The following DAAM2 variants were observed in gnomAD, a reference collection of about 807,000 sequenced individuals.
DAAM2 encodes dishevelled associated activator of morphogenesis 2, also known as disheveled-associated activator of morphogenesis 2.
A neutral mutation model predicts 120.7 loss-of-function variants in DAAM2; 39 were observed. The observed-to-expected ratio is 0.32, with a 90% CI of 0.25 to 0.42. The LOEUF is 0.42. Among genes scored for constraint, DAAM2 ranks in the 10% least tolerant of loss-of-function variants. The pLI, the probability that DAAM2 is intolerant of heterozygous loss-of-function variation, is 1.00. For missense variants in DAAM2, 1,283 were observed against 1,401.7 expected (o/e 0.92, Z 1.35); for synonymous variants, 488 against 524.9 (o/e 0.93, Z 0.96).
chr6:39,887,429 T>C, intron 15 of DAAM2, 57 bp from the exon 16 acceptor site: 1 of 1,282,826 alleles, frequency 7.8e-7, no homozygotes. Context: ...GCGGGGCGGG[T>C]AAGAGGAGGA....
intron 6 of DAAM2, chr6:39,868,307 C>A: frequency 4.4e-6 from 1 of 226,110 alleles, no homozygotes; most frequent in South Asian, 8.2e-5. Flanking sequence ...CTTTTCTTTC[C>A]CTGACCTGCC....
At chr6:39,808,653 C>T (rs1207879114) in intron 1 of DAAM2, among the ~76,000 whole-genome samples, 1 of 152,198 alleles carries the variant, frequency 6.6e-6, no homozygotes, top group Non-Finnish European at 1.5e-5. Flanking sequence ...ATGATAGCTT[C>T]CTTCCCTTGA....
At position 39,901,592 on chromosome 6, in the gene DAAM2, GT is replaced by G; in HGVS notation, c.2982+122del. 8.4e-7 allele frequency: 1 copy of G among 1,193,162 alleles called. No homozygotes were observed. Among genetic ancestry groups the G allele is most frequent in the Non-Finnish European group, 1.1e-6 (1 of 869,684 alleles). 73.9% of individuals were successfully genotyped at this position (1,193,162 alleles called of 1,614,324 possible). ...TGAGGAACTGAGGAACACCATAGGGGTTGGATGTCAGCCCCAGGAGAGAGAA... is the reference window on the plus strand; with the variant it reads ...TGAGGAACTGAGGAACACCATAGGGGTGGATGTCAGCCCCAGGAGAGAGAA... On this transcript the variant is annotated intron_variant, in intron 24 of 24. Coordinates refer to ENST00000274867, the MANE Select transcript of DAAM2 (RefSeq NM_001201427.2). This position sits in a 1 kb window ranked among gnomAD's most constrained non-coding sequence, Gnocchi z 4.5.
intron 21 of DAAM2, chr6:39,897,509 C>G (rs1222799064): frequency 5.2e-6 from 2 of 388,282 alleles, no homozygotes; most frequent in Admixed American, 4.3e-5. Flanking sequence ...ATAGACAGTA[C>G]ACCCTGAGAG....
intron 8 of DAAM2, 56 bp downstream of exon 8, chr6:39,870,499 G>A (rs1026451158): frequency 2.1e-5 from 23 of 1,103,746 alleles, no homozygotes; most frequent in Non-Finnish European, 2.6e-5. Flanking sequence ...GCCTCAGATG[G>A]GGATAGTTGG....
In DAAM2 at chr6:39,878,159, A is replaced by G. The variant is rs772363899; in HGVS notation, c.1302-44A>G. The G allele has an allele frequency of 6.9e-6, 11 of 1,604,782 alleles. No homozygotes were observed. The Admixed American group carries it at 1.8e-4, about 27-fold the overall frequency. On this transcript the variant is annotated intron_variant, in intron 11 of 24. Transcript: ENST00000274867. This position sits in a 1 kb window ranked among gnomAD's most constrained non-coding sequence, Gnocchi z 5.0. ...GATGTCTCCTGGGAAGCTGTGAATC[A>G]ATGGTCAACAATCACATTGCCCCTT...
intron 1 of DAAM2, among the ~76,000 whole-genome samples, chr6:39,843,797 G>T (rs535004414): frequency 2.6e-5 from 4 of 152,258 alleles, no homozygotes; most frequent in Admixed American, 2.6e-4. Context: ...GTTTGGTCAT[G>T]CAAGCACTGA....
rs569621035 is a variant in DAAM2, at chr6:39,870,240, G to A, written c.874-100G>A. On this transcript the variant is annotated intron_variant, in intron 7 of 24. Transcript: ENST00000274867. ...TCCAGGTGAGTTAGCTGTGGGAGAT[G>A]TGTTGGGTCTGTGGCTAGGGTGGTG... 156 of 710,846 alleles carry A rather than the reference G, an allele frequency of 2.2e-4. 2 individuals are homozygous for A. In the South Asian group the frequency reaches 2.4e-3, roughly 11 times the overall value. The allele number at this position is 710,846 out of a possible 1,614,324, so 44.0% of individuals were successfully genotyped here. A position where few individuals can be genotyped will look rare whatever the true frequency, so the allele number is the denominator to read the frequency against.
intron 1 of DAAM2, among the ~76,000 whole-genome samples, chr6:39,807,166 G>A (rs1205776990): frequency 1.3e-5 from 2 of 149,618 alleles, no homozygotes; most frequent in Middle Eastern, 3.4e-3. Context: ...ACATACTTAC[G>A]GTGGAATACT....
At chr6:39,794,330 C>T (rs1360331625) in intron 1 of DAAM2, among the ~76,000 whole-genome samples, 1 of 152,198 alleles carries the variant, frequency 6.6e-6, no homozygotes, top group Non-Finnish European at 1.5e-5. Context: ...CATCTAACCC[C>T]CATTTCTTCC....
At chr6:39,806,294 C>G (rs905945266) in intron 1 of DAAM2, among the ~76,000 whole-genome samples, 5 of 152,190 alleles carry the variant, frequency 3.3e-5, no homozygotes, top group Admixed American at 1.3e-4. Context: ...GTGGAGTCTC[C>G]TTCCAGGTAT....
chr6:39,889,792 T>C (rs1184947410), intron 17 of DAAM2, among the ~76,000 whole-genome samples: 1 of 152,212 alleles, frequency 6.6e-6, no homozygotes, highest in Non-Finnish European at 1.5e-5. Flanking sequence ...TGTATTTTTA[T>C]AACACAGTAA....
At chr6:39,810,361 T>C (rs1762125913) in intron 1 of DAAM2, among the ~76,000 whole-genome samples, 2 of 152,062 alleles carry the variant, frequency 1.3e-5, no homozygotes, top group African/African-American at 2.4e-5. Context: ...ACAGGTAAAA[T>C]AAAAACAAAC....
In DAAM2 at chr6:39,901,418, G is replaced by T; in HGVS notation, c.2928G>T (p.Glu976Asp). The T allele has an allele frequency of 6.2e-7, 1 of 1,613,534 alleles. No homozygotes were observed. Residue 976 changes from glutamate to aspartate, a missense_variant, in exon 24 of 25, where the codon GAG (glutamate) becomes GAT (aspartate). Glu to Asp is a conservative substitution (Grantham distance 45, BLOSUM62 2). Coordinates refer to ENST00000274867, the MANE Select transcript of DAAM2 (RefSeq NM_001201427.2). This position sits in a 1 kb window ranked among gnomAD's most constrained non-coding sequence, Gnocchi z 4.5. ...TCTCAGAGGCCCGGCAGGATCTAGAGGCCATGAGGAGGAGGAAGGAGGAGG... is the reference window on the plus strand; with the variant it reads ...TCTCAGAGGCCCGGCAGGATCTAGATGCCATGAGGAGGAGGAAGGAGGAGG... ...QAFSEARQDLEAMRRRKEEEE... is the reference protein window; with the variant it reads ...QAFSEARQDLDAMRRRKEEEE...
At chr6:39,843,188 G>T (rs1372852787) in intron 1 of DAAM2, among the ~76,000 whole-genome samples, 1 of 152,246 alleles carries the variant, frequency 6.6e-6, no homozygotes, top group Admixed American at 6.5e-5. Flanking sequence ...AAAGAGCACT[G>T]CGGGGGGAGT....
At chr6:39,897,452 T>C (rs1766175957) in intron 21 of DAAM2, 170 bp downstream of exon 21, 2 of 561,082 alleles carry the variant, frequency 3.6e-6, no homozygotes, top group East Asian at 3.0e-5. Flanking sequence ...GGGTTTAGCA[T>C]AGAACAATGT....
intron 17 of DAAM2, chr6:39,888,994 G>A (rs1765535950): frequency 6.4e-6 from 2 of 310,794 alleles, no homozygotes; most frequent in Non-Finnish European, 1.2e-5. Flanking sequence ...AAAGTCAGAT[G>A]AGGAAAAGTG....
intron 1 of DAAM2, among the ~76,000 whole-genome samples, chr6:39,825,613 G>C (rs1183909401): frequency 6.6e-6 from 1 of 152,046 alleles, no homozygotes; most frequent in Non-Finnish European, 1.5e-5. Flanking sequence ...ATCGTACCAG[G>C]GATAAGATAT....
At position 39,901,458 on chromosome 6, in the gene DAAM2, C is replaced by A; in HGVS notation, c.2968C>A (p.Arg990Ser). Residue 990 changes from arginine (R) to serine (S), a missense_variant, in exon 24 of 25, where the codon CGC (arginine) becomes AGC (serine). Transcript: ENST00000274867. The surrounding 1 kb of genome is among the most constrained non-coding windows in gnomAD (Gnocchi z 4.5). ...RRKEEEERRA[R>S]MEAMLKEQRE... ...GAAGGAGGAGGAGGAGCGGCGGGCG[C>A]GCATGGAAGCCATGGTGAGGGGCAG... 1 of 1,607,322 alleles carries A rather than the reference C, an allele frequency of 6.2e-7. No individual in the cohort carries two copies. The highest frequency in any genetic ancestry group is 8.5e-7 in the Non-Finnish European group (1 of 1,179,258).
Sources: gnomAD v4.1 joint callset for allele counts (sites outside exome capture counted in the v4.1 genomes callset) on GRCh38, gnomAD v4.1.1 for gene constraint, Gnocchi (gnomAD v3.1) non-coding constraint, MANE v1.5 for transcripts, NCBI Gene and HGNC (gene_info 2026-07-23, HGNC 2026-07-21) for gene names.